RALYL: variants seen among roughly 807,000 people sequenced by gnomAD.
RALYL encodes RALY RNA binding protein like.
A neutral mutation model predicts 35.1 loss-of-function variants in RALYL; 29 were observed. The ratio of observed to expected loss-of-function variants is 0.83; its 90% confidence interval spans 0.61 to 1.13. RALYL has a LOEUF of 1.13. Ranked by LOEUF, RALYL falls within the 50% of genes most tolerant of loss-of-function variation. The probability of loss-of-function intolerance (pLI) is 0.00; values close to 1 mark genes in which losing one functional copy is unlikely to be tolerated. For synonymous variants in RALYL, 120 were observed against 127.6 expected (o/e 0.94, Z 0.40); for missense variants, 359 against 360.4 (o/e 1.00, Z 0.03).
intron 1 of RALYL, among the ~76,000 whole-genome samples, chr8:84,242,194 A>G (rs867160360): frequency 1.3e-5 from 2 of 152,218 alleles, no homozygotes; most frequent in Middle Eastern, 6.8e-3. Flanking sequence ...ATTCCTTTTA[A>G]TGGCTGCATA....
At chr8:84,701,392 G>T (rs905789022) in intron 2 of RALYL, among the ~76,000 whole-genome samples, 1 of 151,932 alleles carries the variant, frequency 6.6e-6, no homozygotes, top group Non-Finnish European at 1.5e-5. Context: ...GCATCTTTTC[G>T]GTTTTAATAT....
At chr8:84,241,516 G>C (rs1827871059) in intron 1 of RALYL, among the ~76,000 whole-genome samples, 2 of 152,080 alleles carry the variant, frequency 1.3e-5, no homozygotes, top group Admixed American at 1.3e-4. Flanking sequence ...GGTGGCTCAT[G>C]CCTGTAATCC....
intron 2 of RALYL, among the ~76,000 whole-genome samples, chr8:84,559,944 C>G (rs570455386): frequency 4.6e-4 from 69 of 150,620 alleles, no homozygotes; most frequent in African/African-American, 1.6e-3. Context: ...GCTCTGAACT[C>G]CTACAATCAA....
intron 1 of RALYL, among the ~76,000 whole-genome samples, chr8:84,514,949 A>C (rs2057939699): frequency 6.6e-6 from 1 of 152,204 alleles, no homozygotes; most frequent in Non-Finnish European, 1.5e-5. Flanking sequence ...ATAGAACCTT[A>C]GAGATAATCA....
chr8:84,769,001 T>C (rs1344450109), intron 2 of RALYL, among the ~76,000 whole-genome samples: 1 of 152,196 alleles, frequency 6.6e-6, no homozygotes, highest in Non-Finnish European at 1.5e-5. Flanking sequence ...AATGCTACAA[T>C]ATTTTGTCAA....
chr8:84,719,227 C>G (rs1207982022), intron 2 of RALYL, among the ~76,000 whole-genome samples: 1 of 152,146 alleles, frequency 6.6e-6, no homozygotes, highest in Non-Finnish European at 1.5e-5. Flanking sequence ...ATGGTCTGGC[C>G]TAGGAAGCCC....
At position 84,862,307 on chromosome 8, in the gene RALYL, A is replaced by G. The variant is rs749048986; in HGVS notation, c.425A>G (p.Tyr142Cys). ...RDDFYNRLFD[Y>C]HGRVPPPPRA... ...TGTGTTTTGTAAAGGTTATTTGATT[A>G]CCACGGGCGTGTGCCTCCACCTCCC... is the stretch of plus-strand genomic sequence containing the variant. The change falls in exon 6 of 9, where the codon TAC (tyrosine) becomes TGC (cysteine). Residue 142 changes from tyrosine to cysteine, a missense_variant. Tyr to Cys is a radical substitution (Grantham distance 194). Coordinates refer to ENST00000521268, the MANE Select transcript of RALYL (RefSeq NM_173848.7). The G allele has an allele frequency of 6.4e-7, 1 of 1,563,950 alleles. No homozygotes were observed. The highest frequency in any genetic ancestry group is 8.6e-7 in the Non-Finnish European group (1 of 1,156,502).
At chr8:84,662,874 C>A (rs959396584) in intron 2 of RALYL, among the ~76,000 whole-genome samples, 10 of 151,970 alleles carry the variant, frequency 6.6e-5, no homozygotes, top group Non-Finnish European at 1.2e-4. Context: ...GCAGGATATG[C>A]AGGTTTGTTA....
At chr8:84,795,403 T>C (rs1236732491) in intron 3 of RALYL, among the ~76,000 whole-genome samples, 1 of 152,202 alleles carries the variant, frequency 6.6e-6, no homozygotes, top group Non-Finnish European at 1.5e-5. Flanking sequence ...TTTTTGTCAT[T>C]TATAAAATAG....
chr8:84,535,536 C>T (rs2059543296), intron 2 of RALYL, among the ~76,000 whole-genome samples: 1 of 151,522 alleles, frequency 6.6e-6, no homozygotes, highest in Non-Finnish European at 1.5e-5. Context: ...CCTGGGTTCA[C>T]GCCATTCTCC....
chr8:84,731,881 C>T (rs1389433276), intron 2 of RALYL, among the ~76,000 whole-genome samples: 7 of 152,254 alleles, frequency 4.6e-5, no homozygotes, highest in Non-Finnish European at 8.8e-5. Flanking sequence ...TTCCATGTAG[C>T]GCTCACACTG....
Position 84,529,518 on chromosome 8 carries a change from G to A in RALYL, c.197G>A (p.Arg66Gln), listed in dbSNP as rs774536609. 1.9e-6 allele frequency: 3 copies of A among 1,612,700 alleles called. No homozygotes were observed. Among genetic ancestry groups the A allele is most frequent in the East Asian group, 2.2e-5 (1 of 44,862 alleles). ...GYAFVQYMSE[R>Q]HARAAVAGEN... ...GCATTTGTACAGTACATGAGTGAGC[G>A]ACATGCAAGAGCTGCAGTGGCTGGA... The change falls in exon 2 of 9, where the codon CGA becomes CAA. Residue 66 changes from arginine (R) to glutamine (Q), a missense_variant. Coordinates refer to ENST00000521268, the MANE Select transcript of RALYL (RefSeq NM_173848.7).
chr8:84,360,688 G>A (rs1460133018), intron 1 of RALYL, among the ~76,000 whole-genome samples: 2 of 152,144 alleles, frequency 1.3e-5, no homozygotes, highest in African/African-American at 4.8e-5. Context: ...TATTGAGTGA[G>A]GTTGTAGGAT....
intron 1 of RALYL, among the ~76,000 whole-genome samples, chr8:84,196,768 A>G (rs577736682): frequency 4.7e-4 from 72 of 152,320 alleles, no homozygotes; most frequent in African/African-American, 1.6e-3. Context: ...GATCATTTCA[A>G]TTTCAGCTTT....
chr8:84,276,737 A>G (rs750413243), intron 1 of RALYL, among the ~76,000 whole-genome samples: 7 of 152,208 alleles, frequency 4.6e-5, no homozygotes, highest in Non-Finnish European at 1.0e-4. Context: ...GATATTTGAC[A>G]TTTAAGTTGG....
chr8:84,853,792 CCA>C (rs1463784374), intron 5 of RALYL, among the ~76,000 whole-genome samples: 4 of 152,074 alleles, frequency 2.6e-5, no homozygotes, highest in Non-Finnish European at 5.9e-5. Context: ...CACTACTAAT[CCA>C]CAGTCATTTC....
At chr8:84,502,846 T>G (rs2056822217) in intron 1 of RALYL, among the ~76,000 whole-genome samples, 1 of 151,752 alleles carries the variant, frequency 6.6e-6, no homozygotes, top group Non-Finnish European at 1.5e-5. Flanking sequence ...ACATACTTAA[T>G]AGTATTGAAA....
intron 2 of RALYL, among the ~76,000 whole-genome samples, chr8:84,675,655 T>C (rs918465013): frequency 1.3e-5 from 2 of 152,194 alleles, no homozygotes; most frequent in Non-Finnish European, 2.9e-5. Context: ...TTTGTTTCTC[T>C]GTGGAATTCC....
rs189575196 is a variant in RALYL, at chr8:84,208,840, A to G, written c.-24+24416A>G. 1.2e-3 allele frequency among the ~76,000 whole-genome samples: 182 copies of G among 152,174 alleles called. 1 individual carries two copies. Among genetic ancestry groups the G allele is most frequent in the African/African-American group, 4.2e-3 (173 of 41,528 alleles). On this transcript the variant is annotated intron_variant, in intron 1 of 8. Transcript: ENST00000521268. The stretch of plus-strand genomic sequence containing the variant: ...ATCAGGGGTCACAAACAAAGCGGAA[A>G]CTTTCCTTTTGTGATATAAGAGACT...
Sources: allele counts gnomAD v4.1 joint callset (sites outside exome capture counted in the v4.1 genomes callset), GRCh38; gene constraint gnomAD v4.1.1; transcripts MANE v1.5; gene names NCBI Gene and HGNC (gene_info 2026-07-23, HGNC 2026-07-21).